Variants in FLT1 observed in about 807,000 individuals in gnomAD.
The protein encoded by FLT1 is vascular endothelial growth factor receptor 1.
Under a neutral mutation model 156.3 loss-of-function variants are expected in FLT1, and 49 were observed. The observed-to-expected ratio is 0.31, with a 90% confidence interval of 0.25 to 0.40. The LOEUF is 0.40. FLT1 is among the 10% of genes least tolerant of loss of function. FLT1 has a pLI of 1.00. For missense variants in FLT1, 1,322 were observed against 1,637.2 expected (o/e 0.81, Z 3.32); for synonymous variants, 594 against 583.8 (o/e 1.02, Z -0.25).
At chr13:28,318,327 G>A (rs1374169379) in intron 24 of FLT1, among the ~76,000 whole-genome samples, 2 of 152,026 alleles carry the variant, frequency 1.3e-5, no homozygotes, top group African/African-American at 4.8e-5. Context: ...GGGGCTGCCC[G>A]TGGCCAGGAG....
chr13:28,417,517 A>G (rs1876722281), intron 10 of FLT1, among the ~76,000 whole-genome samples: 2 of 152,236 alleles, frequency 1.3e-5, no homozygotes, highest in African/African-American at 4.8e-5. Flanking sequence ...TATGGTGGAA[A>G]TAATAGTAAA....
rs1041893617 is a variant in FLT1 at position 28,387,692 on chromosome 13, C to A, written c.1969+2104G>T. ...TTTCAATTATTCCCCATTTTAGGCT[C>A]CTTTTTTCTCCTTTTTTTTTTCTCC... On this transcript the variant is annotated intron_variant, in intron 13 of 29. Coordinates refer to ENST00000282397, the MANE Select transcript of FLT1 (RefSeq NM_002019.4). 3.0e-5 allele frequency: 32 copies of A among 1,061,726 alleles called. No individual in the cohort carries two copies. The South Asian group carries it at 1.2e-3, about 41-fold the overall frequency. The allele number at this position is 1,061,726 out of a possible 1,614,324, so 65.8% of individuals were successfully genotyped here.
At chr13:28,339,619 A>G (rs1872253808) in intron 16 of FLT1, among the ~76,000 whole-genome samples, 2 of 152,234 alleles carry the variant, frequency 1.3e-5, no homozygotes, top group Admixed American at 6.5e-5. Context: ...TCTTGCTAAA[A>G]AATGCAAAGC....
At chr13:28,336,408 C>A (rs1206164792) in intron 17 of FLT1, among the ~76,000 whole-genome samples, 1 of 152,220 alleles carries the variant, frequency 6.6e-6, no homozygotes, top group Non-Finnish European at 1.5e-5. Context: ...CTCACCTGAT[C>A]TTTCTTTTCC....
At chr13:28,448,955 T>G (rs988534955) in intron 3 of FLT1, among the ~76,000 whole-genome samples, 1 of 152,068 alleles carries the variant, frequency 6.6e-6, no homozygotes, top group Non-Finnish European at 1.5e-5. Context: ...AAAATAAAAT[T>G]TTCCCCTGTG....
In FLT1 at chr13:28,329,784, G is replaced by A. The variant is rs1593685414; in HGVS notation, c.2594-56C>T. 29 of 1,410,066 alleles carry A rather than the reference G, an allele frequency of 2.1e-5. No individual in the cohort carries two copies. The South Asian group carries it at 2.7e-4, about 13-fold the overall frequency. The allele number at this position is 1,410,066 out of a possible 1,614,324, so 87.3% of individuals were successfully genotyped here. A position where few individuals can be genotyped will look rare whatever the true frequency, so the allele number is the denominator to read the frequency against. On this transcript the variant is annotated intron_variant, in intron 18 of 29. Coordinates refer to ENST00000282397, the MANE Select transcript of FLT1 (RefSeq NM_002019.4). The stretch of plus-strand genomic sequence containing the variant: ...ACAGGACAATGGGGCTCCTTCCGCC[G>A]GAGGCGGCATTCTTGCCCTCCTTGT...
At chr13:28,488,697 T>C (rs1881310523) in intron 1 of FLT1, among the ~76,000 whole-genome samples, 2 of 152,178 alleles carry the variant, frequency 1.3e-5, no homozygotes, top group Middle Eastern at 6.8e-3. Context: ...TTTAAGAACA[T>C]GTCTCGCACC....
chr13:28,434,256 T>C (rs758274291), intron 4 of FLT1, 36 bp from the exon 5 acceptor site: 1 of 1,595,322 alleles, frequency 6.3e-7, no homozygotes, highest in Admixed American at 1.7e-5. Flanking sequence ...CAAGGTCCTA[T>C]TAGCACTGGT....
chr13:28,387,959 G>A (rs1874468351), intron 13 of FLT1: 1 of 1,061,190 alleles, frequency 9.4e-7, no homozygotes. Context: ...TGCAAACAGG[G>A]GAAGGAAATG....
intron 16 of FLT1, 76 bp downstream of exon 16, chr13:28,345,369 T>A: frequency 1.2e-6 from 1 of 844,976 alleles, no homozygotes; most frequent in East Asian, 2.6e-5. Flanking sequence ...AACATTTGTT[T>A]GCCTACTCTA....
intron 10 of FLT1, 124 bp from the exon 11 acceptor site, chr13:28,406,018 C>T (rs1875778546): frequency 2.9e-6 from 2 of 685,544 alleles, no homozygotes; most frequent in Non-Finnish European, 5.3e-6. Flanking sequence ...GTGTGATCTT[C>T]TTTTCCTTAG....
chr13:28,387,605 C>T (rs929837075), intron 13 of FLT1: 1 of 1,064,804 alleles, frequency 9.4e-7, no homozygotes, highest in Non-Finnish European at 1.1e-6. Flanking sequence ...CACATAAATA[C>T]ACAGCTTCTA....
At chr13:28,421,785 A>G (rs1456377957) in intron 10 of FLT1, among the ~76,000 whole-genome samples, 2 of 152,246 alleles carry the variant, frequency 1.3e-5, no homozygotes, top group African/African-American at 4.8e-5. Context: ...GGAAGAAAAT[A>G]TAATTTACAG....
At chr13:28,473,711 A>G (rs189265453) in intron 1 of FLT1, among the ~76,000 whole-genome samples, 2,297 of 76,404 alleles carry the variant, frequency 0.03, 172 homozygotes, top group African/African-American at 0.13. Context: ...AGAAAGAAAG[A>G]AAGAAAGAAA....
At chr13:28,488,558 G>A (rs768904341) in intron 1 of FLT1, among the ~76,000 whole-genome samples, 10 of 152,196 alleles carry the variant, frequency 6.6e-5, no homozygotes, top group East Asian at 1.9e-4. Context: ...GGATGCTGAT[G>A]TTGCTGGACC....
At chr13:28,448,690 A>G (rs1403838678) in intron 3 of FLT1, among the ~76,000 whole-genome samples, 6 of 152,244 alleles carry the variant, frequency 3.9e-5, no homozygotes, top group Non-Finnish European at 5.9e-5. Flanking sequence ...ATGGTTGCAT[A>G]TATCTGTCAA....
At chr13:28,317,423 A>G in intron 25 of FLT1, 75 bp downstream of exon 25, 1 of 948,666 alleles carries the variant, frequency 1.1e-6, no homozygotes, top group African/African-American at 1.6e-5. Context: ...AAGAATCCAT[A>G]AAACATCCCC....
intron 27 of FLT1, among the ~76,000 whole-genome samples, chr13:28,310,394 C>A (rs1393576120): frequency 6.9e-6 from 1 of 144,598 alleles, no homozygotes; most frequent in Non-Finnish European, 1.5e-5. Context: ...TATTCTGCCA[C>A]TTTCTAGCCA....
At chr13:28,372,946 T>G (rs1200811195) in intron 14 of FLT1, among the ~76,000 whole-genome samples, 1 of 151,938 alleles carries the variant, frequency 6.6e-6, no homozygotes, top group Non-Finnish European at 1.5e-5. Flanking sequence ...CCTTTTTACC[T>G]CTTTCTCAGT....
Sources: gnomAD v4.1 joint callset for allele counts (sites outside exome capture counted in the v4.1 genomes callset) on GRCh38, gnomAD v4.1.1 for gene constraint, MANE v1.5 for transcripts, NCBI Gene and HGNC (gene_info 2026-07-23, HGNC 2026-07-21) for gene names.